MGAT4C: variants seen among roughly 807,000 people sequenced by gnomAD.
The protein encoded by MGAT4C is alpha-1,3-mannosyl-glycoprotein 4-beta-N-acetylglucosaminyltransferase C.
In MGAT4C, 19 loss-of-function variants were observed where a neutral mutation model predicts 40.1. The ratio of observed to expected loss-of-function variants is 0.47; its 90% confidence interval spans 0.33 to 0.70. The LOEUF (loss-of-function observed/expected upper bound fraction) is 0.70. Among genes scored for constraint, MGAT4C ranks in the 30% least tolerant of loss-of-function variants. MGAT4C has a pLI of 0.02. For missense variants in MGAT4C, 491 were observed against 563.2 expected (o/e 0.87, Z 1.30); for synonymous variants, 181 against 187.1 (o/e 0.97, Z 0.27).
chr12:86,188,870 T>C (rs1252039868), intron 1 of MGAT4C, among the ~76,000 whole-genome samples: 3 of 151,988 alleles, frequency 2.0e-5, no homozygotes, highest in Non-Finnish European at 4.4e-5. Context: ...GTTATTGATA[T>C]AAATTTAGTA....
intron 4 of MGAT4C, among the ~76,000 whole-genome samples, chr12:86,274,529 C>A (rs1054124853): frequency 6.6e-6 from 1 of 152,018 alleles, no homozygotes; most frequent in Non-Finnish European, 1.5e-5. Context: ...ATAGAACAAA[C>A]CCTTGAAAGT....
intron 2 of MGAT4C, among the ~76,000 whole-genome samples, chr12:86,663,966 G>A (rs760735907): frequency 1.3e-5 from 2 of 152,082 alleles, no homozygotes; most frequent in African/African-American, 4.8e-5. Flanking sequence ...CTTTTAATCA[G>A]GCTTTGTTTT....
intron 2 of MGAT4C, among the ~76,000 whole-genome samples, chr12:86,682,115 G>GA: frequency 6.6e-6 from 1 of 152,146 alleles, no homozygotes; most frequent in Non-Finnish European, 1.5e-5. Flanking sequence ...GAAACAGAAT[G>GA]AAAAATCTTG....
At chr12:86,007,085 T>C (rs1887960426) in intron 2 of MGAT4C, among the ~76,000 whole-genome samples, 1 of 152,204 alleles carries the variant, frequency 6.6e-6, no homozygotes, top group African/African-American at 2.4e-5. Context: ...AGTATCTTCC[T>C]CTGTTTATAT....
intron 1 of MGAT4C, among the ~76,000 whole-genome samples, chr12:86,067,754 TTA>T (rs1894694691): frequency 6.6e-6 from 1 of 152,172 alleles, no homozygotes; most frequent in Non-Finnish European, 1.5e-5. Context: ...TCTTTAGTAT[TTA>T]TTTCATTATA....
chr12:86,258,797 T>G (rs1482246648), upstream of MGAT4C, among the ~76,000 whole-genome samples: 2 of 152,084 alleles, frequency 1.3e-5, no homozygotes, highest in Non-Finnish European at 2.9e-5. Flanking sequence ...ATTTAAAATT[T>G]GAATTGTTTA....
At chr12:86,475,309 T>C (rs1376481460) in intron 2 of MGAT4C, among the ~76,000 whole-genome samples, 1 of 151,970 alleles carries the variant, frequency 6.6e-6, no homozygotes, top group Non-Finnish European at 1.5e-5. Context: ...AATTACCAAA[T>C]AGAATTTGGT....
chr12:86,099,989 A>G (rs1245931843), intron 1 of MGAT4C, among the ~76,000 whole-genome samples: 1 of 151,444 alleles, frequency 6.6e-6, no homozygotes, highest in South Asian at 2.1e-4. Flanking sequence ...TCTCTACATT[A>G]TGAAACTACA....
intron 1 of MGAT4C, among the ~76,000 whole-genome samples, chr12:86,138,492 C>CAT (rs1343870305): frequency 2.0e-5 from 3 of 146,512 alleles, no homozygotes; most frequent in Admixed American, 6.9e-5. Flanking sequence ...TATATATTTC[C>CAT]ATATATATAT....
At chr12:86,826,659 C>T (rs1203263828) in intron 1 of MGAT4C, among the ~76,000 whole-genome samples, 2 of 151,144 alleles carry the variant, frequency 1.3e-5, no homozygotes, top group African/African-American at 4.8e-5. Flanking sequence ...AATCATGGTT[C>T]GTTGGGGGTA....
chr12:86,189,505 T>C (rs1889133397), intron 1 of MGAT4C, among the ~76,000 whole-genome samples: 1 of 151,928 alleles, frequency 6.6e-6, no homozygotes, highest in Admixed American at 6.6e-5. Context: ...TGAATGACAC[T>C]GAAGAACATT....
At chr12:86,365,549 T>C (rs1276050217) in intron 3 of MGAT4C, among the ~76,000 whole-genome samples, 1 of 152,162 alleles carries the variant, frequency 6.6e-6, no homozygotes, top group Non-Finnish European at 1.5e-5. Flanking sequence ...AAGACAAGCA[T>C]AAGAAATTAT....
At chr12:86,411,368 G>A (rs982892563) in intron 3 of MGAT4C, among the ~76,000 whole-genome samples, 1 of 152,114 alleles carries the variant, frequency 6.6e-6, no homozygotes. Flanking sequence ...ATTCTGAGGT[G>A]GTCTCAGTTG....
chr12:85,974,435 T>C lies in MGAT4C; in HGVS notation c.*4854A>G, dbSNP rs1883807251. On this transcript the variant is annotated 3_prime_UTR_variant, in exon 5 of 5. Transcript: ENST00000611864. ...CACAGACACACTTACACAACACATA[T>C]ACAAATACATACATGTATATATGTA... 1.3e-5 allele frequency: 2 copies of C among 150,472 alleles called. No homozygotes were observed. Among genetic ancestry groups the C allele is most frequent in the South Asian group, 4.2e-4 (2 of 4,816 alleles). 9.3% of individuals were successfully genotyped at this position (150,472 alleles called of 1,614,324 possible).
At chr12:86,737,267 T>C (rs1951000882) in intron 1 of MGAT4C, among the ~76,000 whole-genome samples, 1 of 151,268 alleles carries the variant, frequency 6.6e-6, no homozygotes, top group South Asian at 2.1e-4. Context: ...AGTCCAATGG[T>C]CAATTTTCAG....
chr12:86,011,588 A>G (rs974756375), intron 2 of MGAT4C, among the ~76,000 whole-genome samples: 16 of 152,340 alleles, frequency 1.1e-4, no homozygotes, highest in South Asian at 4.1e-4. Flanking sequence ...GTATAGTAGA[A>G]AACGGGATGA....
chr12:86,413,694 G>A (rs1956650325), intron 3 of MGAT4C, among the ~76,000 whole-genome samples: 1 of 152,190 alleles, frequency 6.6e-6, no homozygotes, highest in South Asian at 2.1e-4. Context: ...GGGGAATAAA[G>A]TAGAATGGTA....
intron 4 of MGAT4C, among the ~76,000 whole-genome samples, chr12:86,286,081 T>G (rs1953346546): frequency 6.6e-6 from 1 of 152,118 alleles, no homozygotes; most frequent in Non-Finnish European, 1.5e-5. Flanking sequence ...ACATACTGTG[T>G]AGAAATAAGG....
intron 2 of MGAT4C, among the ~76,000 whole-genome samples, chr12:85,991,738 T>A (rs1885966516): frequency 1.3e-5 from 2 of 152,178 alleles, no homozygotes; most frequent in Admixed American, 6.5e-5. Context: ...ATGCCTCAAA[T>A]CCCAGCTCTT....
Sources: gnomAD v4.1 joint callset for allele counts (sites outside exome capture counted in the v4.1 genomes callset) on GRCh38, gnomAD v4.1.1 for gene constraint, MANE v1.5 for transcripts, NCBI Gene and HGNC (gene_info 2026-07-23, HGNC 2026-07-21) for gene names.